Variants in STPG1 observed in about 807,000 individuals in gnomAD.
The protein encoded by STPG1 is sperm tail PG-rich repeat containing 1, also known as O(6)-methylguanine-induced apoptosis 2.
In STPG1, 33 loss-of-function variants were observed where a neutral mutation model predicts 40.1. That is an observed-to-expected ratio of 0.82 (90% CI 0.62 to 1.10). The LOEUF is 1.10. Ranked by LOEUF, STPG1 falls within the 50% of genes least tolerant of loss-of-function variation. The pLI, the probability that STPG1 is intolerant of heterozygous loss-of-function variation, is 0.00. For synonymous variants in STPG1, 150 were observed against 155.0 expected (o/e 0.97, Z 0.24); for missense variants, 396 against 415.1 (o/e 0.95, Z 0.40).
At chr1:24,358,655 G>C (rs1640887621) in intron 8 of STPG1, 36 bp from the exon 9 acceptor site, 1 of 1,532,596 alleles carries the variant, frequency 6.5e-7, no homozygotes, top group Non-Finnish European at 9.0e-7. Context: ...CATTAAGAGA[G>C]AAAAGGCCCA....
chr1:24,363,850 G>C (rs1364026954), intron 7 of STPG1, among the ~76,000 whole-genome samples: 1 of 152,188 alleles, frequency 6.6e-6, no homozygotes, highest in East Asian at 1.9e-4. Flanking sequence ...GAAAGCTGTA[G>C]CTGTTATGGC....
chr1:24,388,702 C>T (rs545518362), intron 3 of STPG1, among the ~76,000 whole-genome samples: 1 of 152,292 alleles, frequency 6.6e-6, no homozygotes, highest in African/African-American at 2.4e-5. Flanking sequence ...TGGTGAAGCC[C>T]TGGAGTTTTC....
chr1:24,363,415 T>C (rs1389318406), intron 7 of STPG1, among the ~76,000 whole-genome samples: 1 of 152,180 alleles, frequency 6.6e-6, no homozygotes, highest in Non-Finnish European at 1.5e-5. Context: ...CCTTAAGGGC[T>C]TGACAATCCG....
chr1:24,364,360 A>G (rs1403913099), intron 7 of STPG1: 2 of 1,542,262 alleles, frequency 1.3e-6, no homozygotes. Context: ...CTTCACTGTA[A>G]ACTCGGAATG....
chr1:24,374,514 C>T (rs934000287), intron 5 of STPG1, among the ~76,000 whole-genome samples: 1 of 152,126 alleles, frequency 6.6e-6, no homozygotes, highest in Non-Finnish European at 1.5e-5. Flanking sequence ...CCGCCTCGGC[C>T]TCCCAAAGTG....
chr1:24,367,955 C>G (rs913999970), intron 7 of STPG1, among the ~76,000 whole-genome samples: 4 of 152,200 alleles, frequency 2.6e-5, no homozygotes, highest in African/African-American at 9.6e-5. Context: ...GATTCATACT[C>G]TGGTCGGCCA....
chr1:24,390,747 T>C (rs1642732666), intron 3 of STPG1, among the ~76,000 whole-genome samples: 1 of 151,412 alleles, frequency 6.6e-6, no homozygotes, highest in South Asian at 2.1e-4. Flanking sequence ...GAAGTTTTTT[T>C]TGTTTTTTGT....
rs564024150 is a variant in STPG1 at position 24,360,892 on chromosome 1, C to T, written c.887G>A (p.Arg296Gln). The T allele has an allele frequency of 5.0e-5, 80 of 1,613,492 alleles. 1 individual carries two copies. The South Asian group carries it at 5.8e-4, about 12-fold the overall frequency. Residue 296 changes from arginine (R) to glutamine (Q), a missense_variant, in exon 8 of 9, where the codon CGG (arginine) becomes CAG (glutamine). Arg to Gln is a conservative substitution (Grantham distance 43). Transcript: ENST00000337248. ...SSASFVSNTSRWTAAPPQPGL... is the reference protein window; with the variant it reads ...SSASFVSNTSQWTAAPPQPGL... ...TGGCTGAGGCGGCGCCGCTGTCCAC[C>T]GGCTGGTATTGGACACGAATGATGC...
intron 1 of STPG1, chr1:24,412,096 G>C (rs991857504): frequency 1.3e-5 from 2 of 152,152 alleles, no homozygotes; most frequent in Non-Finnish European, 2.9e-5. Flanking sequence ...TGTCATATGC[G>C]TGTGTGCATG....
chr1:24,364,944 GGGAAA>G (rs2148680673), intron 7 of STPG1, among the ~76,000 whole-genome samples: 2 of 152,274 alleles, frequency 1.3e-5, no homozygotes, highest in East Asian at 3.9e-4. Context: ...AGGCCACTTG[GGGAAA>G]GCATCTGAGA....
intron 4 of STPG1, among the ~76,000 whole-genome samples, chr1:24,382,985 C>A (rs1642355873): frequency 1.4e-5 from 2 of 144,172 alleles, no homozygotes; most frequent in South Asian, 4.3e-4. Flanking sequence ...AATCATAGTT[C>A]ACTGCAGCCT....
intron 3 of STPG1, among the ~76,000 whole-genome samples, chr1:24,390,111 A>G (rs1642696835): frequency 6.6e-6 from 1 of 152,234 alleles, no homozygotes; most frequent in African/African-American, 2.4e-5. Flanking sequence ...TAATAAGATG[A>G]AAACCATTTT....
At chr1:24,361,895 G>A (rs987494114) in intron 7 of STPG1, among the ~76,000 whole-genome samples, 1 of 152,182 alleles carries the variant, frequency 6.6e-6, no homozygotes, top group African/African-American at 2.4e-5. Flanking sequence ...CCTTCCTGCT[G>A]TGACCTTTCA....
chr1:24,374,826 A>G (rs967066357), intron 5 of STPG1, among the ~76,000 whole-genome samples: 1 of 151,006 alleles, frequency 6.6e-6, no homozygotes, highest in African/African-American at 2.4e-5. Context: ...GGGTTTCACC[A>G]TGTTGCCTAG....
intron 1 of STPG1, chr1:24,412,031 T>C (rs188164015): frequency 2.6e-5 from 4 of 152,348 alleles, no homozygotes; most frequent in East Asian, 1.9e-4. Context: ...CTCTTCCACA[T>C]TGGTGATTTT....
In STPG1 at chr1:24,369,716, T is replaced by C; in HGVS notation, c.695A>G (p.Asn232Ser). The C allele has an allele frequency of 1.9e-6, 3 of 1,608,246 alleles. No homozygotes were observed. In the South Asian group the frequency reaches 3.3e-5, roughly 18 times the overall value. Reference sequence around the variant, plus strand: ...TGGAACTTTTGTGCAATCACTGGGGTTGTAATAACCAGGTCCCGGGCCTGT... The same window carrying C: ...TGGAACTTTTGTGCAATCACTGGGGCTGTAATAACCAGGTCCCGGGCCTGT... Reference protein sequence around the residue: ...TSTGPGPGYYNPSDCTKVPKK... With the variant: ...TSTGPGPGYYSPSDCTKVPKK... The change falls in exon 7 of 9, where the codon AAC becomes AGC. Residue 232 changes from asparagine to serine, a missense_variant. Physicochemically the swap from Asn to Ser is conservative, Grantham distance 46. Transcript: ENST00000337248.
chr1:24,372,039 G>T (rs938532752), intron 6 of STPG1, among the ~76,000 whole-genome samples: 1 of 152,174 alleles, frequency 6.6e-6, no homozygotes, highest in African/African-American at 2.4e-5. Context: ...TTAGCCGGGC[G>T]TGGCGGCGCA....
chr1:24,369,951 G>A, intron 6 of STPG1, 112 bp from the exon 7 acceptor site: 4 of 918,320 alleles, frequency 4.4e-6, no homozygotes, highest in Non-Finnish European at 6.4e-6. Flanking sequence ...ATCACTCTAG[G>A]ATGGCCAAGT....
intron 2 of STPG1, among the ~76,000 whole-genome samples, chr1:24,394,188 C>T (rs1642897878): frequency 6.6e-6 from 1 of 152,204 alleles, no homozygotes. Flanking sequence ...CTCCTGTTTT[C>T]ATGAGTCACA....
Sources: allele counts gnomAD v4.1 joint callset (sites outside exome capture counted in the v4.1 genomes callset), GRCh38; gene constraint gnomAD v4.1.1; transcripts MANE v1.5; gene names NCBI Gene and HGNC (gene_info 2026-07-23, HGNC 2026-07-21).